Variants in ARHGAP18 observed in about 807,000 individuals in gnomAD.
ARHGAP18 encodes Rho GTPase activating protein 18.
A neutral mutation model predicts 86.2 loss-of-function variants in ARHGAP18; 67 were observed. The ratio of observed to expected loss-of-function variants is 0.78; its 90% CI spans 0.64 to 0.95. The LOEUF is 0.95. Ranked by LOEUF, ARHGAP18 falls within the 40% of genes least tolerant of loss-of-function variation. ARHGAP18 has a pLI of 0.00. For synonymous variants in ARHGAP18, 283 were observed against 280.4 expected (o/e 1.01, Z -0.09); for missense variants, 691 against 780.4 (o/e 0.89, Z 1.37).
Position 129,576,876 on chromosome 6 carries a change from A to C in ARHGAP18, c.*1637T>G, listed in dbSNP as rs1788187927. The C allele has an allele frequency of 6.6e-6, 1 of 152,164 alleles. No individual in the cohort carries two copies. Among genetic ancestry groups the C allele is most frequent in the South Asian group, 2.1e-4 (1 of 4,834 alleles). The allele number at this position is 152,164 out of a possible 1,614,324, so 9.4% of individuals were successfully genotyped here. A position where few individuals can be genotyped will look rare whatever the true frequency, so the allele number is the denominator to read the frequency against. On this transcript the variant is annotated 3_prime_UTR_variant, in exon 15 of 15. Transcript: ENST00000368149. ...TTGTCAAAGAAACAGACTAAACTGTATTTTGAAAATCCTGAAGAATAAAAA... is the reference window on the plus strand; with the variant it reads ...TTGTCAAAGAAACAGACTAAACTGTCTTTTGAAAATCCTGAAGAATAAAAA...
At chr6:129,631,075 A>G (rs1584069967) in intron 4 of ARHGAP18, among the ~76,000 whole-genome samples, 1 of 152,146 alleles carries the variant, frequency 6.6e-6, no homozygotes. Flanking sequence ...TCAAAGCACA[A>G]CTTTAATTTT....
chr6:129,628,439 T>C (rs570718443), intron 5 of ARHGAP18, among the ~76,000 whole-genome samples: 9 of 152,224 alleles, frequency 5.9e-5, no homozygotes, highest in Non-Finnish European at 1.0e-4. Context: ...ATAGGCTTTA[T>C]TGACATATAA....
At chr6:129,652,471 GAAGA>G (rs1375034207) in intron 1 of ARHGAP18, among the ~76,000 whole-genome samples, 1 of 152,196 alleles carries the variant, frequency 6.6e-6, no homozygotes, top group Non-Finnish European at 1.5e-5. Context: ...GGGATGAAAT[GAAGA>G]AAGATTCACT....
At chr6:129,682,931 A>G (rs1198350643) in intron 1 of ARHGAP18, among the ~76,000 whole-genome samples, 1 of 151,974 alleles carries the variant, frequency 6.6e-6, no homozygotes, top group Non-Finnish European at 1.5e-5. Flanking sequence ...ATATTACTAT[A>G]TTCTATTGAT....
intron 2 of ARHGAP18, 68 bp downstream of exon 2, chr6:129,641,748 C>G: frequency 2.9e-6 from 4 of 1,384,428 alleles, no homozygotes; most frequent in South Asian, 1.4e-5. Flanking sequence ...TGTTCTCTTC[C>G]TTTCTATGCA....
chr6:129,680,122 T>G (rs1049570781), intron 1 of ARHGAP18, among the ~76,000 whole-genome samples: 1 of 152,190 alleles, frequency 6.6e-6, no homozygotes, highest in Non-Finnish European at 1.5e-5. Flanking sequence ...CTTAACTTAA[T>G]CACATCTGCA....
intron 1 of ARHGAP18, among the ~76,000 whole-genome samples, chr6:129,686,838 C>T (rs1444864082): frequency 2.0e-5 from 3 of 149,022 alleles, no homozygotes; most frequent in Admixed American, 6.7e-5. Context: ...TGGCCCAGGC[C>T]GGTGTGCAAT....
chr6:129,679,507 C>T (rs763958715), intron 1 of ARHGAP18, among the ~76,000 whole-genome samples: 1 of 152,196 alleles, frequency 6.6e-6, no homozygotes, highest in African/African-American at 2.4e-5. Flanking sequence ...CAATTATACA[C>T]AAGCCAAACA....
rs1010667061 is a variant in ARHGAP18, at chr6:129,576,581, CT to C, written c.*1931del. 1 of 152,144 alleles carries C rather than the reference CT, an allele frequency of 6.6e-6. No individual in the cohort carries two copies. The highest frequency in any genetic ancestry group is 6.5e-5 in the Admixed American group (1 of 15,274). The allele number at this position is 152,144 out of a possible 1,614,324, so 9.4% of individuals were successfully genotyped here. A position where few individuals can be genotyped will look rare whatever the true frequency, so the allele number is the denominator to read the frequency against. ...GATTCAAAATAAAATGGCATTTTCA[CT>C]TTTTTAAAATTAAGATACTTTTTCA... is the stretch of plus-strand genomic sequence containing the variant. On this transcript the variant is annotated 3_prime_UTR_variant, in exon 15 of 15. Transcript: ENST00000368149.
chr6:129,621,221 T>C (rs1335505704), intron 5 of ARHGAP18, among the ~76,000 whole-genome samples: 1 of 152,198 alleles, frequency 6.6e-6, no homozygotes, highest in African/African-American at 2.4e-5. Context: ...AGTTGTGAGA[T>C]GAAAATGTTG....
At chr6:129,683,701 A>G (rs1037206604) in intron 1 of ARHGAP18, among the ~76,000 whole-genome samples, 3 of 152,170 alleles carry the variant, frequency 2.0e-5, no homozygotes, top group African/African-American at 7.2e-5. Flanking sequence ...TTATTTCACA[A>G]TTTTCTCTGG....
Position 129,665,619 on chromosome 6 carries a change from C to T in ARHGAP18, c.114-23601G>A, listed in dbSNP as rs138430606. Among the ~76,000 whole-genome samples, 643 of 152,230 alleles carry T rather than the reference C, an allele frequency of 4.2e-3. 7 individuals are homozygous for T. Among genetic ancestry groups the T allele is most frequent in the African/African-American group, 0.015 (607 of 41,532 alleles). ...CAAGTCTTGCCTCCACTATGTTCTGCGAAAGAACCTTTCATAATAAAATGC... is the reference window on the plus strand; with the variant it reads ...CAAGTCTTGCCTCCACTATGTTCTGTGAAAGAACCTTTCATAATAAAATGC... On this transcript the variant is annotated intron_variant, in intron 1 of 14. Coordinates refer to ENST00000368149, the MANE Select transcript of ARHGAP18 (RefSeq NM_033515.3).
chr6:129,652,610 G>A (rs992845059), intron 1 of ARHGAP18, among the ~76,000 whole-genome samples: 1 of 152,108 alleles, frequency 6.6e-6, no homozygotes, highest in Non-Finnish European at 1.5e-5. Flanking sequence ...CCTTAAACAT[G>A]CAATACAGAT....
At chr6:129,606,259 A>G (rs1432756515) in intron 9 of ARHGAP18, among the ~76,000 whole-genome samples, 2 of 152,214 alleles carry the variant, frequency 1.3e-5, no homozygotes, top group African/African-American at 4.8e-5. Context: ...TCTGCGTGAT[A>G]ATTATTCCCC....
intron 1 of ARHGAP18, among the ~76,000 whole-genome samples, chr6:129,699,306 C>T (rs1774673799): frequency 6.6e-6 from 1 of 152,092 alleles, no homozygotes; most frequent in African/African-American, 2.4e-5. Flanking sequence ...GTTTAGGAGA[C>T]AAAGGCATAT....
At chr6:129,601,536 AAGAAAAG>A (rs1788745639) in intron 10 of ARHGAP18, among the ~76,000 whole-genome samples, 1 of 146,136 alleles carries the variant, frequency 6.8e-6, no homozygotes, top group South Asian at 2.1e-4. Context: ...GAAAAGAGAG[AAGAAAAG>A]AGAAAAGAAA....
chr6:129,590,687 T>G (rs951469292), intron 12 of ARHGAP18, among the ~76,000 whole-genome samples: 1 of 152,206 alleles, frequency 6.6e-6, no homozygotes, highest in African/African-American at 2.4e-5. Context: ...GGAATATCAA[T>G]ATCCTTGGAA....
intron 12 of ARHGAP18, among the ~76,000 whole-genome samples, chr6:129,586,997 T>C (rs1307790526): frequency 1.3e-5 from 2 of 152,196 alleles, no homozygotes; most frequent in African/African-American, 4.8e-5. Flanking sequence ...GGTCCTACTA[T>C]ATGACCTGTA....
At chr6:129,589,109 T>C (rs147525725) in intron 12 of ARHGAP18, among the ~76,000 whole-genome samples, 136 of 152,312 alleles carry the variant, frequency 8.9e-4, no homozygotes, top group African/African-American at 3.2e-3. Flanking sequence ...ACATGCCTTG[T>C]AGACATTTTT....
Sources: allele counts gnomAD v4.1 joint callset (sites outside exome capture counted in the v4.1 genomes callset), GRCh38; gene constraint gnomAD v4.1.1; transcripts MANE v1.5; gene names NCBI Gene and HGNC (gene_info 2026-07-23, HGNC 2026-07-21).